VNN2: variants seen among roughly 807,000 people sequenced by gnomAD.
VNN2 encodes pantetheine hydrolase VNN2.
Under a neutral mutation model 43.0 loss-of-function variants are expected in VNN2, and 43 were observed. The ratio of observed to expected loss-of-function variants is 1.00; its 90% CI spans 0.78 to 1.29. The LOEUF (loss-of-function observed/expected upper bound fraction) is 1.29, where lower values mean the gene tolerates loss of function less well. Ranked by LOEUF, VNN2 falls within the 50% of genes most tolerant of loss-of-function variation. The pLI is 0.00. For synonymous variants in VNN2, 230 were observed against 224.3 expected, an observed-to-expected ratio of 1.03 and a Z score of -0.23; for missense variants, 652 against 619.7, an observed-to-expected ratio of 1.05 and a Z score of -0.55.
chr6:132,753,684 G>T (rs1184197998), intron 3 of VNN2: 3 of 261,168 alleles, frequency 1.1e-5, no homozygotes, highest in African/African-American at 4.5e-5. Flanking sequence ...AGGCAAGGTG[G>T]CTCATGCCTG....
At chr6:132,748,361 A>G (rs1415082606) in intron 6 of VNN2, among the ~76,000 whole-genome samples, 1 of 152,154 alleles carries the variant, frequency 6.6e-6, no homozygotes. Context: ...AGCATTCCTG[A>G]TCTTTGGATT....
chr6:132,758,450 C>G (rs1419890875), upstream of VNN2, among the ~76,000 whole-genome samples: 6 of 152,164 alleles, frequency 3.9e-5, no homozygotes, highest in Non-Finnish European at 8.8e-5. Flanking sequence ...ACAGCATGTA[C>G]TATTAGTACT....
chr6:132,753,498 A>G (rs1283666464), intron 3 of VNN2: 1 of 455,122 alleles, frequency 2.2e-6, no homozygotes. Context: ...CCACCTTTCA[A>G]AATTACCATA....
At chr6:132,745,627 T>C (rs1779669905) in intron 6 of VNN2, among the ~76,000 whole-genome samples, 1 of 152,166 alleles carries the variant, frequency 6.6e-6, no homozygotes, top group African/African-American at 2.4e-5. Flanking sequence ...GAAGGAATTG[T>C]TTAAAGTTAC....
chr6:132,758,041 T>TCTTCTTA, upstream of VNN2: 1 of 246,250 alleles, frequency 4.1e-6, no homozygotes, highest in Non-Finnish European at 6.9e-6. Context: ...TTCTTCTTCT[T>TCTTCTTA]TTTTTTTTTT....
rs1335935232 is a variant in VNN2 at position 132,752,532 on chromosome 6, G to A, written c.755C>T (p.Ser252Leu). ...AACTCCCATTCCCATTGCCCAAGCT[G>A]AATGGAATTCAATAGCTGTCAAAAG... is the stretch of plus-strand genomic sequence containing the variant. ...LPLLTAIEFHSAWAMGMGVNL... is the reference protein window; with the variant it reads ...LPLLTAIEFHLAWAMGMGVNL... The change falls in exon 4 of 7, where the codon TCA becomes TTA. Residue 252 changes from serine to leucine, a missense_variant. Physicochemically the swap from Ser to Leu is moderately radical, Grantham distance 145. Coordinates refer to ENST00000326499, the MANE Select transcript of VNN2 (RefSeq NM_004665.6). 6.2e-7 allele frequency: 1 copy of A among 1,614,042 alleles called. No individual in the cohort carries two copies. The highest frequency in any genetic ancestry group is 1.3e-5 in the African/African-American group (1 of 74,912).
intron 6 of VNN2, among the ~76,000 whole-genome samples, chr6:132,746,781 T>C (rs1242969753): frequency 1.3e-5 from 2 of 152,342 alleles, no homozygotes; most frequent in South Asian, 2.1e-4. Flanking sequence ...CAGTTCATTG[T>C]TCCCAGCTAA....
At chr6:132,758,036 CTTCTTTTTTTTTTT>C, upstream of VNN2, 2 of 68,902 alleles carry the variant, frequency 2.9e-5, no homozygotes, top group Non-Finnish European at 4.7e-5. Context: ...TCTTCTTCTT[CTTCTTTTTTTTTTT>C]TTTTTTTTTT....
rs369805846 is a variant in VNN2 at position 132,750,514 on chromosome 6, T to TATATATATATATATATATATATATATA, written c.1200+630_1200+631insTATATATATATATATATATATATATAT. ...GTATATGTGTATATATATATATATA[T>TATATATATATATATATATATATATATA]TTTTCCAGGTGTGGTGGCACATGCC... On this transcript the variant is annotated intron_variant, in intron 5 of 6. Coordinates refer to ENST00000326499, the MANE Select transcript of VNN2 (RefSeq NM_004665.6). Among the ~76,000 whole-genome samples the TATATATATATATATATATATATATATA allele has an allele frequency of 1.2e-3, 134 of 114,100 alleles. 8 individuals carry two copies. The highest frequency in any genetic ancestry group is 4.3e-3 in the Middle Eastern group (1 of 234). The allele number at this position is 114,100 out of a possible 152,430, so 74.9% of individuals were successfully genotyped here.
chr6:132,744,357 G>C lies in VNN2; in HGVS notation c.1506C>G (p.Tyr502Ter). The change falls in exon 7 of 7, where the codon TAC becomes TAG. Residue 502 changes from tyrosine to a stop codon, truncating the protein, a stop_gained. Coordinates refer to ENST00000326499, the MANE Select transcript of VNN2 (RefSeq NM_004665.6). LOFTEE classifies it low-confidence loss of function (END_TRUNC). ...SCGTSNSAIT[Y>*]LLIFILLMII... Reference sequence around the variant, plus strand: ...TCATTAATAATATGAATATTAGCAGGTAAGTTATTGCTGAATTGCTGGTCC... The same window carrying C: ...TCATTAATAATATGAATATTAGCAGCTAAGTTATTGCTGAATTGCTGGTCC... 1 of 1,612,794 alleles carries C rather than the reference G, an allele frequency of 6.2e-7. No homozygotes were observed. Among genetic ancestry groups the C allele is most frequent in the Non-Finnish European group, 8.5e-7 (1 of 1,179,648 alleles).
Position 132,755,919 on chromosome 6 carries a change from GGAC to G in VNN2, c.458_460del (p.Cys153_Pro154delinsSer). ...ATTGTATTGAAAGTAGCCATTAGGA[GGAC>G]ATGTGGAGTCACGGGAATTACATGG... On this transcript the variant is annotated inframe_deletion, in exon 3 of 7. Transcript: ENST00000326499. 6.2e-7 allele frequency: 1 copy of G among 1,614,026 alleles called. No homozygotes were observed. The highest frequency in any genetic ancestry group is 1.1e-5 in the South Asian group (1 of 90,976).
At position 132,757,837 on chromosome 6, in the gene VNN2, A is replaced by T. The variant is rs1044632230; in HGVS notation, c.47T>A (p.Ile16Lys). The change falls in exon 1 of 7, where the codon ATA becomes AAA. Residue 16 changes from isoleucine to lysine, a missense_variant. By Grantham distance (102) the Ile-to-Lys change is moderately radical. Coordinates refer to ENST00000326499, the MANE Select transcript of VNN2 (RefSeq NM_004665.6). Reference sequence around the variant, plus strand: ...GTCCTGAGTACCAACCTGCAGGGTTATTAGGGCAAAAACTGCCACAGAGAT... The same window carrying T: ...GTCCTGAGTACCAACCTGCAGGGTTTTTAGGGCAAAAACTGCCACAGAGAT... The part of the protein sequence containing the change: ...FPISVAVFAL[I>K]TLQVGTQDSF... 2 of 1,613,992 alleles carry T rather than the reference A, an allele frequency of 1.2e-6. No homozygotes were observed. The highest frequency in any genetic ancestry group is 2.7e-5 in the African/African-American group (2 of 74,906).
At chr6:132,759,933 T>C (rs185702685), upstream of VNN2, among the ~76,000 whole-genome samples, 11 of 152,218 alleles carry the variant, frequency 7.2e-5, no homozygotes, top group East Asian at 2.1e-3. Context: ...TTAGCATAGG[T>C]GATTGGTATA....
chr6:132,752,741 C>T lies in VNN2; in HGVS notation c.546G>A (p.Leu182=), dbSNP rs527266810. Residue 182 remains leucine (L), a synonymous_variant, in exon 4 of 7, where the codon CTG becomes CTA. Transcript: ENST00000326499. ...KLVARYHKYH[L]YSEPQFNVPE... ...GGACATTAAACTGAGGCTCAGAGTA[C>T]AGGTGGTACTACAACAAATGGATAG... The T allele has an allele frequency of 4.4e-5, 71 of 1,613,114 alleles. No individual in the cohort carries two copies. In the South Asian group the frequency reaches 7.3e-4, roughly 16 times the overall value.
At chr6:132,755,720 A>G (rs755149954) in intron 3 of VNN2, 123 bp downstream of exon 3, 6 of 1,122,006 alleles carry the variant, frequency 5.3e-6, no homozygotes, top group Admixed American at 6.6e-5. Context: ...AACAAAAAAC[A>G]AAACAAAACA....
chr6:132,744,383 C>T lies in VNN2; in HGVS notation c.1480G>A (p.Gly494Arg), dbSNP rs1779597869. ...TAAGTTATTGCTGAATTGCTGGTCC[C>T]ACATGAGCTGTAAAGTGAGTCCTTT... is the stretch of plus-strand genomic sequence containing the variant. ...YTKDSLYSSC[G>R]TSNSAITYLL... Residue 494 changes from glycine to arginine, a missense_variant, in exon 7 of 7, where the codon GGG (glycine) becomes AGG (arginine). Coordinates refer to ENST00000326499, the MANE Select transcript of VNN2 (RefSeq NM_004665.6). 3 of 1,613,392 alleles carry T rather than the reference C, an allele frequency of 1.9e-6. No homozygotes were observed. In the African/African-American group the frequency reaches 4.0e-5, roughly 22 times the overall value.
At chr6:132,758,039 CTT>C (rs533088096), upstream of VNN2, 2,807 of 163,244 alleles carry the variant, frequency 0.017, 4 homozygotes, top group South Asian at 0.022. Flanking sequence ...TCTTCTTCTT[CTT>C]TTTTTTTTTT....
intron 3 of VNN2, chr6:132,753,567 A>G (rs1780267235): frequency 1.4e-5 from 6 of 426,086 alleles, no homozygotes; most frequent in South Asian, 1.0e-4. Context: ...TTAGTCTAAT[A>G]TAATAAATGG....
At chr6:132,745,495 C>T (rs149341033) in intron 6 of VNN2, among the ~76,000 whole-genome samples, 1 of 152,172 alleles carries the variant, frequency 6.6e-6, no homozygotes, top group South Asian at 2.1e-4. Context: ...GGATTACAGG[C>T]GTGAGCTATC....
Sources: gnomAD v4.1 joint callset for allele counts (sites outside exome capture counted in the v4.1 genomes callset) on GRCh38, gnomAD v4.1.1 for gene constraint, MANE v1.5 for transcripts, NCBI Gene and HGNC (gene_info 2026-07-23, HGNC 2026-07-21) for gene names.